The following RGS6 variants were observed in gnomAD, a reference collection of about 807,000 sequenced individuals.
RGS6 encodes regulator of G-protein signaling 6.
A neutral mutation model predicts 78.5 loss-of-function variants in RGS6; 30 were observed. The observed-to-expected ratio is 0.38, with a 90% CI of 0.29 to 0.52. RGS6 has a LOEUF of 0.52. Ranked by LOEUF, RGS6 falls within the 20% of genes least tolerant of loss-of-function variation. The pLI is 0.85. For synonymous variants in RGS6, 206 were observed against 206.0 expected (o/e 1.00, Z 0.00); for missense variants, 495 against 609.7 (o/e 0.81, Z 1.98).
chr14:72,066,598 T>G (rs2094159260), intron 2 of RGS6, among the ~76,000 whole-genome samples: 1 of 151,812 alleles, frequency 6.6e-6, no homozygotes, highest in Non-Finnish European at 1.5e-5. Flanking sequence ...GGAAGGTGTT[T>G]GTGGCTGTCC....
intron 1 of RGS6, among the ~76,000 whole-genome samples, chr14:71,937,422 T>C (rs539049348): frequency 1.3e-5 from 2 of 152,292 alleles, no homozygotes; most frequent in South Asian, 4.1e-4. Flanking sequence ...CTGTGAATCC[T>C]GGCTATAGGA....
the RGS6 span, among the ~76,000 whole-genome samples, chr14:72,595,479 C>CAAAA: frequency 2.0e-5 from 3 of 151,802 alleles, no homozygotes; most frequent in Non-Finnish European, 2.9e-5. Flanking sequence ...AACAAACAAA[C>CAAAA]AAACAAAAAG....
chr14:72,136,549 T>C (rs2096445397), intron 2 of RGS6, among the ~76,000 whole-genome samples: 1 of 152,026 alleles, frequency 6.6e-6, no homozygotes, highest in Admixed American at 6.6e-5. Context: ...AGAAACCCCT[T>C]ATAAAACCGT....
chr14:72,460,891 C>T (rs2095760420), intron 6 of RGS6, among the ~76,000 whole-genome samples: 1 of 151,926 alleles, frequency 6.6e-6, no homozygotes, highest in South Asian at 2.1e-4. Context: ...AAACCAACAA[C>T]AGGGAGCCAA....
chr14:72,282,603 T>C (rs1262633400), intron 2 of RGS6, among the ~76,000 whole-genome samples: 1 of 152,142 alleles, frequency 6.6e-6, no homozygotes, highest in Non-Finnish European at 1.5e-5. Flanking sequence ...TTTTAACAGC[T>C]TTTTTGAGGC....
At chr14:72,404,613 C>T (rs2092759549) in intron 3 of RGS6, among the ~76,000 whole-genome samples, 1 of 152,212 alleles carries the variant, frequency 6.6e-6, no homozygotes, top group Non-Finnish European at 1.5e-5. Context: ...GGTCAAATGA[C>T]AGAATTTCAA....
At chr14:72,114,022 T>C (rs546314007) in intron 2 of RGS6, among the ~76,000 whole-genome samples, 2 of 152,318 alleles carry the variant, frequency 1.3e-5, no homozygotes, top group African/African-American at 2.4e-5. Context: ...ATGGCTGTTG[T>C]ATTGTAAAAG....
chr14:72,269,580 T>C (rs2153909669), intron 2 of RGS6, among the ~76,000 whole-genome samples: 1 of 145,584 alleles, frequency 6.9e-6, no homozygotes, highest in East Asian at 2.0e-4. Flanking sequence ...TTTTTTTTTT[T>C]TTTTTTTTTT....
At chr14:71,879,247 A>C in the RGS6 span, among the ~76,000 whole-genome samples, 98 of 152,334 alleles carry the variant, frequency 6.4e-4, no homozygotes, top group African/African-American at 2.1e-3. Context: ...ATAACAGTTA[A>C]TTCTGAAATT....
the RGS6 span, among the ~76,000 whole-genome samples, chr14:71,885,826 C>G: frequency 3.3e-5 from 5 of 152,160 alleles, no homozygotes; most frequent in Non-Finnish European, 7.4e-5. Context: ...CATATAGTGT[C>G]TCTCTCTGTT....
intron 13 of RGS6, among the ~76,000 whole-genome samples, chr14:72,503,641 C>G (rs546898302): frequency 6.6e-6 from 1 of 152,274 alleles, no homozygotes; most frequent in South Asian, 2.1e-4. Context: ...GTCCAAAATG[C>G]AACAGGGCAG....
intron 2 of RGS6, among the ~76,000 whole-genome samples, chr14:71,972,170 ATAT>A (rs2153079823): frequency 6.6e-6 from 1 of 152,026 alleles, no homozygotes; most frequent in African/African-American, 2.4e-5. Context: ...AATTTTGGAC[ATAT>A]TATCCCATCC....
chr14:72,086,945 A>AAATTT (rs2095063551), intron 2 of RGS6, among the ~76,000 whole-genome samples: 3 of 152,156 alleles, frequency 2.0e-5, no homozygotes, highest in Admixed American at 1.3e-4. Flanking sequence ...ACCATCCCCC[A>AAATTT]AACAGTCAAT....
chr14:72,392,248 G>A (rs2090171666), intron 3 of RGS6, among the ~76,000 whole-genome samples: 1 of 152,040 alleles, frequency 6.6e-6, no homozygotes, highest in Admixed American at 6.6e-5. Context: ...TGCTGGTTAA[G>A]CAGCCTCTGT....
At chr14:72,180,613 T>C (rs1187129561) in intron 2 of RGS6, among the ~76,000 whole-genome samples, 1 of 152,218 alleles carries the variant, frequency 6.6e-6, no homozygotes, top group Non-Finnish European at 1.5e-5. Context: ...TCACCTCACA[T>C]ATTTTAAATA....
At chr14:71,996,984 T>C (rs564005831) in intron 2 of RGS6, among the ~76,000 whole-genome samples, 1 of 152,166 alleles carries the variant, frequency 6.6e-6, no homozygotes, top group East Asian at 1.9e-4. Flanking sequence ...TTTTACATGA[T>C]GAGGTTTGAT....
At chr14:72,338,117 C>A (rs2076372535) in intron 2 of RGS6, among the ~76,000 whole-genome samples, 1 of 152,170 alleles carries the variant, frequency 6.6e-6, no homozygotes, top group Admixed American at 6.5e-5. Context: ...GCAGGAAAGT[C>A]CTGCTGCTTG....
Position 72,535,932 on chromosome 14 carries a change from C to T in RGS6, c.1279-254C>T, listed in dbSNP as rs544346227. Among the ~76,000 whole-genome samples, 10 of 152,264 alleles carry T rather than the reference C, an allele frequency of 6.6e-5. No individual in the cohort carries two copies. The South Asian group carries it at 2.1e-3, about 32-fold the overall frequency. ...AATCATTAAGCACCCCAACATGGCA[C>T]CCAAGCCCAATTACAAATCCCTCAG... is the stretch of plus-strand genomic sequence containing the variant. On this transcript the variant is annotated intron_variant, in intron 15 of 17. Transcript: ENST00000553525.
the RGS6 span, among the ~76,000 whole-genome samples, chr14:72,589,566 G>T: frequency 6.6e-6 from 1 of 151,150 alleles, no homozygotes; most frequent in Non-Finnish European, 1.5e-5. Flanking sequence ...AAAAAAAATT[G>T]ATGTAAATTT....
Sources: gnomAD v4.1 joint callset for allele counts (sites outside exome capture counted in the v4.1 genomes callset) on GRCh38, gnomAD v4.1.1 for gene constraint, MANE v1.5 for transcripts, NCBI Gene and HGNC (gene_info 2026-07-23, HGNC 2026-07-21) for gene names.